The following NFS1 variants were observed in gnomAD, a reference collection of about 807,000 sequenced individuals.
NFS1 encodes the protein cysteine desulfurase.
Under a neutral mutation model 57.3 loss-of-function variants are expected in NFS1, and 26 were observed. That is an observed-to-expected ratio of 0.45 (90% CI 0.33 to 0.63). The LOEUF is 0.63. Ranked by LOEUF, NFS1 falls within the 20% of genes least tolerant of loss-of-function variation. The pLI is 0.02. For synonymous variants in NFS1, 209 were observed against 216.3 expected, an observed-to-expected ratio of 0.97 and a Z score of 0.30; for missense variants, 505 against 605.8, an observed-to-expected ratio of 0.83 and a Z score of 1.75.
intron 5 of NFS1, among the ~76,000 whole-genome samples, chr20:35,684,178 C>T (rs949911822): frequency 1.7e-4 from 25 of 150,304 alleles, no homozygotes; most frequent in Admixed American, 1.4e-3. Context: ...GAGGCCGAGG[C>T]GGGCGGATCA....
intron 4 of NFS1, among the ~76,000 whole-genome samples, chr20:35,692,527 T>TAAAA (rs61052129): frequency 3.3e-4 from 14 of 42,744 alleles, no homozygotes; most frequent in East Asian, 1.7e-3. Context: ...TCATCTATAC[T>TAAAA]AAAAAAAAAA....
At chr20:35,683,607 T>C (rs1014118372) in intron 5 of NFS1, among the ~76,000 whole-genome samples, 1 of 150,648 alleles carries the variant, frequency 6.6e-6, no homozygotes, top group Non-Finnish European at 1.5e-5. Flanking sequence ...GGTGAAACCT[T>C]GTCTCTACTA....
intron 4 of NFS1, chr20:35,694,572 T>C (rs1190335408): frequency 6.6e-6 from 1 of 152,202 alleles, no homozygotes; most frequent in Non-Finnish European, 1.5e-5. Flanking sequence ...ATGAGAAACA[T>C]TTATAATTGA....
chr20:35,672,777 C>T lies in NFS1; in HGVS notation c.1288G>A (p.Val430Met). 6.2e-7 allele frequency: 1 copy of T among 1,612,942 alleles called. No individual in the cohort carries two copies. The change falls in exon 12 of 13, where the codon GTG becomes ATG. Residue 430 changes from valine to methionine, a missense_variant. Coordinates refer to ENST00000374092, the MANE Select transcript of NFS1 (RefSeq NM_021100.5). ...DYTVEKCIQH[V>M]KRLREMSPLW... The stretch of plus-strand genomic sequence containing the variant: ...TACCTCATTTCTCGAAGACGCTTCA[C>T]ATGCTGAATGCATTTCTCCACTGTG...
chr20:35,669,804 G>T, intron 12 of NFS1, 119 bp from the exon 13 acceptor site: 1 of 890,898 alleles, frequency 1.1e-6, no homozygotes, highest in Non-Finnish European at 1.8e-6. Flanking sequence ...TCTGCCTCTT[G>T]CCCTGGTAGA....
At chr20:35,677,447 G>A (rs1351784247) in intron 7 of NFS1, among the ~76,000 whole-genome samples, 1 of 151,928 alleles carries the variant, frequency 6.6e-6, no homozygotes, top group Non-Finnish European at 1.5e-5. Context: ...AAGGCAGGAG[G>A]ATCACTTGAG....
intron 12 of NFS1, 100 bp downstream of exon 12, chr20:35,672,655 C>T (rs1601516227): frequency 5.1e-6 from 4 of 788,108 alleles, no homozygotes; most frequent in East Asian, 2.6e-5. Context: ...TCCAAGTACG[C>T]TTGAACTTTG....
chr20:35,681,232 T>TAA (rs55745216), intron 6 of NFS1, among the ~76,000 whole-genome samples: 1 of 141,806 alleles, frequency 7.1e-6, no homozygotes. Context: ...CAAAACAAAA[T>TAA]AAAAAAAAAA....
chr20:35,684,139 G>A (rs1601526832), intron 5 of NFS1, among the ~76,000 whole-genome samples: 1 of 151,970 alleles, frequency 6.6e-6, no homozygotes, highest in African/African-American at 2.4e-5. Flanking sequence ...TGTGTGTGGT[G>A]ACTCACGCCT....
intron 7 of NFS1, among the ~76,000 whole-genome samples, chr20:35,678,351 T>C (rs1049765830): frequency 2.0e-5 from 3 of 149,486 alleles, no homozygotes; most frequent in Admixed American, 6.7e-5. Flanking sequence ...CGAGACTCCG[T>C]CTCAAAAAAT....
intron 10 of NFS1, 59 bp downstream of exon 10, chr20:35,674,291 G>A: frequency 7.4e-7 from 1 of 1,350,568 alleles, no homozygotes; most frequent in South Asian, 1.2e-5. Context: ...AAGTTTAATA[G>A]CCTGTATGAC....
intron 7 of NFS1, among the ~76,000 whole-genome samples, chr20:35,680,165 C>T (rs186038753): frequency 3.2e-3 from 486 of 152,178 alleles, no homozygotes; most frequent in Non-Finnish European, 5.0e-3. Flanking sequence ...ATTAGCCGGG[C>T]GTAGTGGCAG....
chr20:35,679,094 T>C (rs1222405133), intron 7 of NFS1, among the ~76,000 whole-genome samples: 2 of 152,180 alleles, frequency 1.3e-5, no homozygotes, highest in South Asian at 4.1e-4. Context: ...CCTGTACACA[T>C]GTAAGTGTTG....
chr20:35,671,479 G>T (rs1017370737), intron 12 of NFS1, among the ~76,000 whole-genome samples: 2 of 152,208 alleles, frequency 1.3e-5, no homozygotes, highest in African/African-American at 4.8e-5. Flanking sequence ...TCTGAAGCAG[G>T]AGGATAACTT....
chr20:35,690,963 G>A (rs2035030849), intron 4 of NFS1, among the ~76,000 whole-genome samples: 1 of 152,104 alleles, frequency 6.6e-6, no homozygotes, highest in South Asian at 2.1e-4. Context: ...ATGGACTTTG[G>A]GTGATAATGA....
intron 10 of NFS1, chr20:35,674,025 G>A (rs1038626920): frequency 2.2e-6 from 1 of 452,652 alleles, no homozygotes; most frequent in Non-Finnish European, 4.1e-6. Context: ...CAGCCTGAAG[G>A]GCAGCCAAAC....
In NFS1 at chr20:35,676,770, A is replaced by C. The variant is rs560541578; in HGVS notation, c.791-1568T>G. Among the ~76,000 whole-genome samples the C allele has an allele frequency of 3.9e-3, 579 of 148,164 alleles. 1 individual carries two copies. Among genetic ancestry groups the C allele is most frequent in the Non-Finnish European group, 7.0e-3 (469 of 66,922 alleles). On this transcript the variant is annotated intron_variant, in intron 7 of 12. Transcript: ENST00000374092. ...CCAGAGAAAATCAGAAAAAAAAAAA[A>C]AAAAAAAAAAAAAAACCAAGAAAGA...
rs1267074259 is a variant in NFS1 at position 35,672,786 on chromosome 20, T to A, written c.1279A>T (p.Ile427Phe). The A allele has an allele frequency of 3.7e-6, 6 of 1,613,690 alleles. No homozygotes were observed. The Admixed American group carries it at 6.7e-5, about 18-fold the overall frequency. Residue 427 changes from isoleucine to phenylalanine, a missense_variant, in exon 12 of 13, where the codon ATT (isoleucine) becomes TTT (phenylalanine). Physicochemically the swap from Ile to Phe is conservative, Grantham distance 21. Transcript: ENST00000374092. The stretch of plus-strand genomic sequence containing the variant: ...TCTCGAAGACGCTTCACATGCTGAA[T>A]GCATTTCTCCACTGTGTAGTCCACT... ...EEVDYTVEKC[I>F]QHVKRLREMS...
chr20:35,677,552 A>G (rs1340566559), intron 7 of NFS1, among the ~76,000 whole-genome samples: 1 of 152,080 alleles, frequency 6.6e-6, no homozygotes, highest in Non-Finnish European at 1.5e-5. Flanking sequence ...AAAAACAAAA[A>G]ACTTAAAAAT....
Sources: allele counts gnomAD v4.1 joint callset (sites outside exome capture counted in the v4.1 genomes callset), GRCh38; gene constraint gnomAD v4.1.1; transcripts MANE v1.5; gene names NCBI Gene and HGNC (gene_info 2026-07-23, HGNC 2026-07-21).